The following MCFD2 variants were observed in gnomAD, a reference collection of about 807,000 sequenced individuals.
MCFD2 encodes multiple coagulation factor deficiency protein 2.
Under a neutral mutation model 12.8 loss-of-function variants are expected in MCFD2, and 11 were observed. That is an observed-to-expected ratio of 0.86 (90% CI 0.54 to 1.42). The LOEUF (loss-of-function observed/expected upper bound fraction) is 1.42. Among genes scored for constraint, MCFD2 ranks in the 40% most tolerant of loss-of-function variants. The pLI, the probability that MCFD2 is intolerant of heterozygous loss-of-function variation, is 0.00. For missense variants in MCFD2, 191 were observed against 178.6 expected, an observed-to-expected ratio of 1.07 and a Z score of -0.40; for synonymous variants, 70 against 68.1, an observed-to-expected ratio of 1.03 and a Z score of -0.14.
At chr2:46,913,235 C>T (rs1036888695) in intron 1 of MCFD2, among the ~76,000 whole-genome samples, 1 of 152,082 alleles carries the variant, frequency 6.6e-6, no homozygotes, top group Non-Finnish European at 1.5e-5. Flanking sequence ...AAAAAAATTC[C>T]TCCAAGTGGT....
In MCFD2 at chr2:46,908,725, G is replaced by GTGTAC. The variant is rs1335358336; in HGVS notation, c.149+293_149+297dup. ...GGATTCTGCTACTATGACTGTGTAT[G>GTGTAC]TGTACCTGTGTGTCTATTTGTATGT... On this transcript the variant is annotated intron_variant, in intron 2 of 3. Coordinates refer to ENST00000319466, the MANE Select transcript of MCFD2 (RefSeq NM_139279.6). This position sits in a 1 kb window ranked among gnomAD's most constrained non-coding sequence, Gnocchi z 4.5. The GTGTAC allele has an allele frequency of 4.3e-6, 2 of 463,190 alleles. No homozygotes were observed. Among genetic ancestry groups the GTGTAC allele is most frequent in the African/African-American group, 3.9e-5 (2 of 50,690 alleles). The allele number at this position is 463,190 out of a possible 1,614,324, so 28.7% of individuals were successfully genotyped here.
In MCFD2 at chr2:46,915,724, C is replaced by A. The variant is rs1201626057; in HGVS notation, c.-8G>T. ...CGGAGAGTGCGCTAGTTCACTCACC[C>A]TTACGGTCTCCGAAGCAGACGCGAA... is the stretch of plus-strand genomic sequence containing the variant. On this transcript the variant is annotated splice_region_variant and 5_prime_UTR_variant, in exon 1 of 4. The change creates a new upstream start codon in the 5' untranslated region. Coordinates refer to ENST00000319466, the MANE Select transcript of MCFD2 (RefSeq NM_139279.6). The A allele has an allele frequency of 3.9e-5, 38 of 975,510 alleles. No homozygotes were observed. The allele number at this position is 975,510 out of a possible 1,614,324, so 60.4% of individuals were successfully genotyped here.
chr2:46,917,397 C>G, upstream of MCFD2: 1 of 571,146 alleles, frequency 1.8e-6, no homozygotes, highest in Non-Finnish European at 3.1e-6. Context: ...CCTCCTTCTA[C>G]CCTGCATCTG....
upstream of MCFD2, chr2:46,917,278 G>A (rs1443804124): frequency 1.5e-6 from 1 of 677,960 alleles, no homozygotes; most frequent in Non-Finnish European, 2.7e-6. Context: ...GATTACAGGG[G>A]TGAGCCACCG....
chr2:46,923,342 T>G (rs1288462682), intron 1 of MCFD2, among the ~76,000 whole-genome samples: 4 of 149,736 alleles, frequency 2.7e-5, no homozygotes, highest in Non-Finnish European at 5.9e-5. Context: ...GTCTTTCCAG[T>G]AAAGAGCTGT....
chr2:46,909,197 G>A lies in MCFD2; in HGVS notation c.-6-20C>T, dbSNP rs1429423855. The A allele has an allele frequency of 1.2e-6, 2 of 1,609,030 alleles. No individual in the cohort carries two copies. The highest frequency in any genetic ancestry group is 8.5e-7 in the Non-Finnish European group (1 of 1,177,360). ...CAATATCTGTGAGATGGGAAACACA[G>A]AAGAGGAAGGCAGAGCATCAGAGCA... On this transcript the variant is annotated intron_variant, in intron 1 of 3. Coordinates refer to ENST00000319466, the MANE Select transcript of MCFD2 (RefSeq NM_139279.6).
intron 1 of MCFD2, among the ~76,000 whole-genome samples, chr2:46,913,481 A>C (rs960898848): frequency 6.6e-6 from 1 of 152,182 alleles, no homozygotes; most frequent in African/African-American, 2.4e-5. Context: ...CTAACAAATT[A>C]AACTGCTGAC....
chr2:46,910,559 G>A (rs1668442507), intron 1 of MCFD2, among the ~76,000 whole-genome samples: 4 of 152,156 alleles, frequency 2.6e-5, no homozygotes, highest in Admixed American at 2.6e-4. Context: ...TTTGTGCCTG[G>A]GGCTGAGAGG....
At chr2:46,912,848 T>C (rs1190870132) in intron 1 of MCFD2, among the ~76,000 whole-genome samples, 2 of 152,224 alleles carry the variant, frequency 1.3e-5, no homozygotes, top group Admixed American at 6.5e-5. Context: ...GCCATGGTCC[T>C]TGGGGAGCTG....
At position 46,907,911 on chromosome 2, in the gene MCFD2, G is replaced by A; in HGVS notation, c.208C>T (p.Gln70Ter). ...INKPEAEMSP[Q>*]ELQLHYFKMH... ...TTGAAGTAATGGAGCTGCAATTCTT[G>A]TGGCGACATCTCCGCCTCTGGTTTG... Residue 70 changes from glutamine to a stop codon, truncating the protein, a stop_gained, in exon 3 of 4, where the codon CAA becomes TAA. Transcript: ENST00000319466. LOFTEE classifies it high-confidence loss of function. This position sits in a 1 kb window ranked among gnomAD's most constrained non-coding sequence, Gnocchi z 4.1. The A allele has an allele frequency of 6.2e-7, 1 of 1,614,200 alleles. No individual in the cohort carries two copies.
intron 1 of MCFD2, among the ~76,000 whole-genome samples, chr2:46,936,957 C>T (rs1670009908): frequency 6.6e-6 from 1 of 151,706 alleles, no homozygotes; most frequent in Admixed American, 6.6e-5. Context: ...TGGGCTCAAG[C>T]GATCCTCCCA....
At chr2:46,917,253 C>T (rs1479733866), upstream of MCFD2, 1 of 699,922 alleles carries the variant, frequency 1.4e-6, no homozygotes, top group Admixed American at 2.0e-5. Context: ...CCACCTCCGC[C>T]TCCCAAAGTG....
chr2:46,905,004 GA>G lies in MCFD2; in HGVS notation c.*458del. The G allele has an allele frequency of 3.8e-6, 1 of 264,162 alleles. No individual in the cohort carries two copies. Among genetic ancestry groups the G allele is most frequent in the Non-Finnish European group, 7.4e-6 (1 of 135,916 alleles). 16.4% of individuals were successfully genotyped at this position (264,162 alleles called of 1,614,324 possible). A position where few individuals can be genotyped will look rare whatever the true frequency, so the allele number is the denominator to read the frequency against. ...CCAGTCTTTCCCATGCTATTCTTGT[GA>G]TAGTGAATAAGTTTCACAAGATCTG... On this transcript the variant is annotated 3_prime_UTR_variant, in exon 4 of 4. Transcript: ENST00000319466.
intron 1 of MCFD2, among the ~76,000 whole-genome samples, chr2:46,933,855 G>A (rs1367637663): frequency 6.6e-6 from 1 of 152,170 alleles, no homozygotes; most frequent in South Asian, 2.1e-4. Flanking sequence ...TCAGAGCACT[G>A]GTCAGAAATC....
At chr2:46,910,150 T>G (rs893735598) in intron 1 of MCFD2, among the ~76,000 whole-genome samples, 3 of 152,146 alleles carry the variant, frequency 2.0e-5, no homozygotes, top group Non-Finnish European at 4.4e-5. Context: ...TTGGCCACAC[T>G]TGGAATTGTG....
chr2:46,912,052 T>G (rs1668509120), intron 1 of MCFD2, among the ~76,000 whole-genome samples: 3 of 152,162 alleles, frequency 2.0e-5, no homozygotes, highest in Admixed American at 2.0e-4. Flanking sequence ...TGCCCAGACC[T>G]TGGCCAGGGA....
chr2:46,927,900 T>G (rs1669478709), intron 1 of MCFD2, among the ~76,000 whole-genome samples: 1 of 134,154 alleles, frequency 7.5e-6, no homozygotes, highest in African/African-American at 2.8e-5. Flanking sequence ...TTTTTTTTTT[T>G]TTTTTTTTTT....
At chr2:46,930,609 C>T (rs1033858693) in intron 1 of MCFD2, among the ~76,000 whole-genome samples, 4 of 151,690 alleles carry the variant, frequency 2.6e-5, no homozygotes, top group African/African-American at 9.7e-5. Flanking sequence ...AAGCGATTCT[C>T]CTGCCTCAGC....
rs1572670688 is a variant in MCFD2, at chr2:46,941,568, C to T, written c.-8+4G>A. 1.9e-6 allele frequency: 3 copies of T among 1,557,114 alleles called. No homozygotes were observed. Among genetic ancestry groups the T allele is most frequent in the African/African-American group, 1.4e-5 (1 of 73,504 alleles). On this transcript the variant is annotated splice_donor_region_variant and intron_variant, in intron 1 of 2. Transcript: ENST00000409147. This position sits in a 1 kb window ranked among gnomAD's most constrained non-coding sequence, Gnocchi z 4.2. Reference sequence around the variant, plus strand: ...TGGCTGCGAAGGGCGCGCACGGCTCCTACCTGAAGGTGGAGAGCGAGCTGG... The same window carrying T: ...TGGCTGCGAAGGGCGCGCACGGCTCTTACCTGAAGGTGGAGAGCGAGCTGG...
Sources: allele counts gnomAD v4.1 joint callset (sites outside exome capture counted in the v4.1 genomes callset), GRCh38; gene constraint gnomAD v4.1.1; non-coding constraint Gnocchi (gnomAD v3.1); transcripts MANE v1.5; gene names NCBI Gene and HGNC (gene_info 2026-07-23, HGNC 2026-07-21).